Variants in CIAPIN1 observed in about 807,000 individuals in gnomAD.
CIAPIN1 encodes anamorsin.
Under a neutral mutation model 34.3 loss-of-function variants are expected in CIAPIN1, and 18 were observed. The observed-to-expected ratio is 0.52, with a 90% CI of 0.36 to 0.78. The LOEUF (loss-of-function observed/expected upper bound fraction) is 0.78. Ranked by LOEUF, CIAPIN1 falls within the 30% of genes least tolerant of loss-of-function variation. The pLI is 0.00. For missense variants in CIAPIN1, 310 were observed against 372.5 expected, an observed-to-expected ratio of 0.83 and a Z score of 1.38; for synonymous variants, 131 against 140.4, an observed-to-expected ratio of 0.93 and a Z score of 0.47.
intron 1 of CIAPIN1, among the ~76,000 whole-genome samples, chr16:57,443,133 G>GTT (rs59690029): frequency 0.039 from 4,782 of 122,206 alleles, 160 homozygotes; most frequent in Non-Finnish European, 0.056. Flanking sequence ...TTCTGGTTTT[G>GTT]TTTTTTTTTT....
In CIAPIN1 at chr16:57,431,255, G is replaced by A; in HGVS notation, c.642C>T (p.Asp214=). 6.2e-7 allele frequency: 1 copy of A among 1,610,650 alleles called. No homozygotes were observed. Among genetic ancestry groups the A allele is most frequent in the Non-Finnish European group, 8.5e-7 (1 of 1,177,072 alleles). The change falls in exon 7 of 9, where the codon GAC becomes GAT. Residue 214 remains aspartate (D), a synonymous_variant. Transcript: ENST00000394391. ...DMEDDSMDLI[D]SDELLDPEDL... is the part of the protein sequence containing the mutation. ...CTTCTGGATCCAGCAGCTCATCTGA[G>A]TCAATGAGATCCTGGAGAGTGTTCA...
In CIAPIN1 at chr16:57,431,239, C is replaced by G. The variant is rs1903080441; in HGVS notation, c.658G>C (p.Asp220His). 6.2e-7 allele frequency: 1 copy of G among 1,613,572 alleles called. No individual in the cohort carries two copies. The highest frequency in any genetic ancestry group is 1.3e-5 in the African/African-American group (1 of 74,868). Residue 220 changes from aspartate to histidine, a missense_variant, in exon 7 of 9, where the codon GAT becomes CAT. Asp to His is a moderately conservative substitution (Grantham distance 81). Coordinates refer to ENST00000394391, the MANE Select transcript of CIAPIN1 (RefSeq NM_020313.4). Reference sequence around the variant, plus strand: ...TCTGGCTTCTTCAAATCTTCTGGATCCAGCAGCTCATCTGAGTCAATGAGA... The same window carrying G: ...TCTGGCTTCTTCAAATCTTCTGGATGCAGCAGCTCATCTGAGTCAATGAGA... ...MDLIDSDELL[D>H]PEDLKKPDPA...
In CIAPIN1 at chr16:57,429,276, T is replaced by C. The variant is rs776016026; in HGVS notation, c.833A>G (p.Tyr278Cys). The C allele has an allele frequency of 5.5e-5, 89 of 1,611,890 alleles. No homozygotes were observed. The highest frequency in any genetic ancestry group is 7.1e-5 in the Non-Finnish European group (84 of 1,178,162). ...GGCACAGCGGAAGGCATCGCCCAGGTAGCACTGGAGAGAGAGAATGGGGAA... is the reference window on the plus strand; with the variant it reads ...GGCACAGCGGAAGGCATCGCCCAGGCAGCACTGGAGAGAGAGAATGGGGAA... ...SQPKSACGNC[Y>C]LGDAFRCASC... Residue 278 changes from tyrosine (Y) to cysteine (C), a missense_variant, in exon 9 of 9, where the codon TAC (tyrosine) becomes TGC (cysteine). Transcript: ENST00000394391.
Position 57,439,168 on chromosome 16 carries a change from G to A in CIAPIN1, c.310+14C>T. On this transcript the variant is annotated intron_variant, in intron 3 of 8. Coordinates refer to ENST00000394391, the MANE Select transcript of CIAPIN1 (RefSeq NM_020313.4). ...ACCCTGTCAAACATGTTTTCCAAGTGAAGATCTCCTTACCTACAGCTGTCT... is the reference window on the plus strand; with the variant it reads ...ACCCTGTCAAACATGTTTTCCAAGTAAAGATCTCCTTACCTACAGCTGTCT... 2 of 1,612,874 alleles carry A rather than the reference G, an allele frequency of 1.2e-6. No individual in the cohort carries two copies. Among genetic ancestry groups the A allele is most frequent in the Non-Finnish European group, 1.7e-6 (2 of 1,179,914 alleles).
At chr16:57,437,717 G>A (rs2146565385) in intron 3 of CIAPIN1, among the ~76,000 whole-genome samples, 1 of 151,928 alleles carries the variant, frequency 6.6e-6, no homozygotes, top group Non-Finnish European at 1.5e-5. Flanking sequence ...GTAGAGACGG[G>A]GTTTCGCCAT....
At chr16:57,435,597 G>A (rs444559) in intron 4 of CIAPIN1, among the ~76,000 whole-genome samples, 119,703 of 152,116 alleles carry the variant, frequency 0.79, 48,034 homozygotes, top group African/African-American at 0.95. Flanking sequence ...GTTAGAGAAC[G>A]GCCTGGCCAA....
At chr16:57,445,352 C>T (rs1156373899) in intron 1 of CIAPIN1, among the ~76,000 whole-genome samples, 1 of 151,942 alleles carries the variant, frequency 6.6e-6, no homozygotes, top group African/African-American at 2.4e-5. Flanking sequence ...ACTAAAAATA[C>T]AAAGATTAGC....
At chr16:57,438,862 T>A (rs1366395785) in intron 3 of CIAPIN1, among the ~76,000 whole-genome samples, 1 of 152,244 alleles carries the variant, frequency 6.6e-6, no homozygotes, top group Non-Finnish European at 1.5e-5. Flanking sequence ...CCATCCAAGC[T>A]GATGTACATA....
chr16:57,434,306 G>T, intron 4 of CIAPIN1, 94 bp from the exon 5 acceptor site: 1 of 1,196,716 alleles, frequency 8.4e-7, no homozygotes, highest in African/African-American at 1.5e-5. Flanking sequence ...TCATTTCTGT[G>T]CATTAAGGAT....
intron 1 of CIAPIN1, among the ~76,000 whole-genome samples, chr16:57,444,831 G>GTT (rs2029989520): frequency 6.6e-6 from 1 of 152,108 alleles, no homozygotes; most frequent in African/African-American, 2.4e-5. Flanking sequence ...AAAAAAACCC[G>GTT]TAAGGAAAAA....
chr16:57,440,763 G>A lies in CIAPIN1; in HGVS notation c.157+9C>T. 6.2e-7 allele frequency: 1 copy of A among 1,608,494 alleles called. No homozygotes were observed. Among genetic ancestry groups the A allele is most frequent in the South Asian group, 1.1e-5 (1 of 90,556 alleles). ...CAGCCTCATAAAGACAACGTGGGTG[G>A]GTACTTACATTGCAACAGCTGCTTG... On this transcript the variant is annotated intron_variant, in intron 2 of 8. Coordinates refer to ENST00000394391, the MANE Select transcript of CIAPIN1 (RefSeq NM_020313.4).
intron 6 of CIAPIN1, 50 bp from the exon 7 acceptor site, chr16:57,431,316 G>GA: frequency 2.3e-6 from 3 of 1,311,372 alleles, no homozygotes; most frequent in Non-Finnish European, 2.2e-6. Context: ...CTCTGCTAAT[G>GA]AAAAGCTAAA....
rs746235273 is a variant in CIAPIN1, at chr16:57,439,170, A to C, written c.310+12T>G. The C allele has an allele frequency of 1.2e-6, 2 of 1,612,974 alleles. No individual in the cohort carries two copies. Among genetic ancestry groups the C allele is most frequent in the Middle Eastern group, 1.9e-4 (1 of 5,280 alleles). On this transcript the variant is annotated intron_variant, in intron 3 of 8. Transcript: ENST00000394391. ...CCTGTCAAACATGTTTTCCAAGTGA[A>C]GATCTCCTTACCTACAGCTGTCTCT...
rs780233421 is a variant in CIAPIN1 at position 57,430,343 on chromosome 16, C to T, written c.747-4G>A. The T allele has an allele frequency of 8.7e-6, 14 of 1,613,938 alleles. No individual in the cohort carries two copies. The highest frequency in any genetic ancestry group is 1.3e-5 in the African/African-American group (1 of 74,920). Reference sequence around the variant, plus strand: ...TTCTTCGGCAAGGCCACAGGTGCTGCGGGAAAATCAGTAACTAATGAACGA... The same window carrying T: ...TTCTTCGGCAAGGCCACAGGTGCTGTGGGAAAATCAGTAACTAATGAACGA... On this transcript the variant is annotated splice_polypyrimidine_tract_variant and splice_region_variant and intron_variant, in intron 7 of 8. Transcript: ENST00000394391.
chr16:57,429,783 C>T (rs963653153), intron 8 of CIAPIN1, among the ~76,000 whole-genome samples: 25 of 140,318 alleles, frequency 1.8e-4, no homozygotes, highest in Admixed American at 1.6e-3. Context: ...TGAGCCACCG[C>T]ACCCGGCCTT....
At chr16:57,446,162 A>C (rs507229) in intron 1 of CIAPIN1, among the ~76,000 whole-genome samples, 73,437 of 151,968 alleles carry the variant, frequency 0.48, 18,179 homozygotes, top group Non-Finnish European at 0.54. Flanking sequence ...AAAAGTGAGA[A>C]TCAACAATGA....
In CIAPIN1 at chr16:57,430,498, T is replaced by A. The variant is rs943556263; in HGVS notation, c.747-159A>T. Reference sequence around the variant, plus strand: ...AGACAGCAGCAATATGAGAGGCTGCTGAGGGAGACAGAAGTGGGAGGAGGA... The same window carrying A: ...AGACAGCAGCAATATGAGAGGCTGCAGAGGGAGACAGAAGTGGGAGGAGGA... On this transcript the variant is annotated intron_variant, in intron 7 of 8. Transcript: ENST00000394391. The A allele has an allele frequency of 4.8e-5, 31 of 644,590 alleles. No individual in the cohort carries two copies. The South Asian group carries it at 5.6e-4, about 12-fold the overall frequency. 39.9% of individuals were successfully genotyped at this position (644,590 alleles called of 1,614,324 possible).
At chr16:57,438,917 T>C (rs1903263741) in intron 3 of CIAPIN1, among the ~76,000 whole-genome samples, 1 of 152,248 alleles carries the variant, frequency 6.6e-6, no homozygotes, top group South Asian at 2.1e-4. Flanking sequence ...TTCCATATTA[T>C]GAACATATCA....
In CIAPIN1 at chr16:57,433,326, T is replaced by C. The variant is rs373837763; in HGVS notation, c.556+718A>G. On this transcript the variant is annotated intron_variant, in intron 5 of 8. Coordinates refer to ENST00000394391, the MANE Select transcript of CIAPIN1 (RefSeq NM_020313.4). ...TGCTCATACCTTCCACAAGGCCAAC[T>C]GTTCTAAGCTATTCCTACCCATTCT... 1.3e-3 allele frequency among the ~76,000 whole-genome samples: 195 copies of C among 152,354 alleles called. 1 individual carries two copies. The highest frequency in any genetic ancestry group is 4.5e-3 in the African/African-American group (189 of 41,584).
Sources: gnomAD v4.1 joint callset for allele counts (sites outside exome capture counted in the v4.1 genomes callset) on GRCh38, gnomAD v4.1.1 for gene constraint, MANE v1.5 for transcripts, NCBI Gene and HGNC (gene_info 2026-07-23, HGNC 2026-07-21) for gene names.